The following PLEKHH1 variants were observed in gnomAD, a reference collection of about 807,000 sequenced individuals.
The protein encoded by PLEKHH1 is pleckstrin homology domain-containing family H member 1.
Under a neutral mutation model 160.0 loss-of-function variants are expected in PLEKHH1, and 104 were observed. The observed-to-expected ratio is 0.65, with a 90% confidence interval of 0.55 to 0.76. The LOEUF (loss-of-function observed/expected upper bound fraction) is 0.76, where lower values mean the gene tolerates loss of function less well. PLEKHH1 is among the 30% of genes least tolerant of loss of function. PLEKHH1 has a pLI of 0.00. For synonymous variants in PLEKHH1, 619 were observed against 678.4 expected (o/e 0.91, Z 1.36); for missense variants, 1,427 against 1,724.1 (o/e 0.83, Z 3.05).
intron 1 of PLEKHH1, among the ~76,000 whole-genome samples, chr14:67,541,201 A>G (rs573669513): frequency 6.6e-6 from 1 of 152,332 alleles, no homozygotes; most frequent in East Asian, 1.9e-4. Flanking sequence ...TTTTTTTCTC[A>G]TCTAACATTT....
intron 2 of PLEKHH1, among the ~76,000 whole-genome samples, chr14:67,552,112 C>T (rs950520718): frequency 6.6e-5 from 10 of 152,190 alleles, no homozygotes; most frequent in Non-Finnish European, 1.3e-4. Context: ...CATCAGGTTG[C>T]TGCAGCCAGT....
rs2034735320 is a variant in PLEKHH1, at chr14:67,559,522, T to C, written c.340-86T>C. The C allele has an allele frequency of 1.5e-5, 13 of 858,916 alleles. No individual in the cohort carries two copies. The South Asian group carries it at 1.7e-4, about 11-fold the overall frequency. 53.2% of individuals were successfully genotyped at this position (858,916 alleles called of 1,614,324 possible). A position where few individuals can be genotyped will look rare whatever the true frequency, so the allele number is the denominator to read the frequency against. On this transcript the variant is annotated intron_variant, in intron 4 of 28. Coordinates refer to ENST00000329153, the MANE Select transcript of PLEKHH1 (RefSeq NM_020715.3). ...TTTGCGAGGTCAGTGGCACGCACAC[T>C]TGGCCTTTCTTGGGGTTTCCCACCT... is the stretch of plus-strand genomic sequence containing the variant.
rs570152687 is a variant in PLEKHH1 at position 67,569,032 on chromosome 14, C to T, written c.1264-106C>T. On this transcript the variant is annotated intron_variant, in intron 7 of 28. Coordinates refer to ENST00000329153, the MANE Select transcript of PLEKHH1 (RefSeq NM_020715.3). ...GATTTGTTAGCCAGTCACTGCCCCC[C>T]ACAGGTCTGCCCACCCCCAAAGCCA... is the stretch of plus-strand genomic sequence containing the variant. 22 of 694,778 alleles carry T rather than the reference C, an allele frequency of 3.2e-5. No individual in the cohort carries two copies. The South Asian group carries it at 3.9e-4, about 12-fold the overall frequency. 43.0% of individuals were successfully genotyped at this position (694,778 alleles called of 1,614,324 possible). A position where few individuals can be genotyped will look rare whatever the true frequency, so the allele number is the denominator to read the frequency against.
chr14:67,535,511 G>T (rs1265381955), intron 1 of PLEKHH1, among the ~76,000 whole-genome samples: 2 of 151,304 alleles, frequency 1.3e-5, no homozygotes, highest in Non-Finnish European at 2.9e-5. Context: ...CTCCCAAGTG[G>T]CTGGGATTAA....
intron 22 of PLEKHH1, 126 bp downstream of exon 22, chr14:67,580,002 C>CTAGGGCAGCA: frequency 2.4e-6 from 2 of 849,552 alleles, no homozygotes; most frequent in Non-Finnish European, 3.6e-6. Context: ...CAAGGTGCTG[C>CTAGGGCAGCA]CCTAGTCAGC....
At chr14:67,579,977 A>C in intron 22 of PLEKHH1, 101 bp downstream of exon 22, 1,141 of 1,144,330 alleles carry the variant, frequency 1.0e-3, no homozygotes, top group Non-Finnish European at 1.3e-3. Context: ...TTGGTAGCTC[A>C]TTTGGTGCTG....
chr14:67,560,628 A>G (rs2034793153), intron 5 of PLEKHH1, among the ~76,000 whole-genome samples: 1 of 152,148 alleles, frequency 6.6e-6, no homozygotes, highest in South Asian at 2.1e-4. Context: ...TAGGAAACTC[A>G]GGACTTGAAG....
Position 67,576,450 on chromosome 14 carries a change from G to C in PLEKHH1, c.2408G>C (p.Gly803Ala), listed in dbSNP as rs757682843. 6.2e-7 allele frequency: 1 copy of C among 1,610,744 alleles called. No homozygotes were observed. The highest frequency in any genetic ancestry group is 8.5e-7 in the Non-Finnish European group (1 of 1,176,966). ...VAAGGSSAKV[G>A]TAYEQLIGKL... is the part of the protein sequence containing the mutation. ...GCAGGTGGCAGCAGTGCCAAGGTGG[G>C]CACTGCCTATGAGCAGCTCATTGGA... The change falls in exon 17 of 29, where the codon GGC (glycine) becomes GCC (alanine). Residue 803 changes from glycine to alanine, a missense_variant. Physicochemically the swap from Gly to Ala is moderately conservative, Grantham distance 60. This residue lies in a region of PLEKHH1 where 436 missense variants were observed against 607.5 expected (regional missense o/e 0.72). Transcript: ENST00000329153. The surrounding 1 kb of genome is among the most constrained non-coding windows in gnomAD (Gnocchi z 4.0).
rs1159971240 is a variant in PLEKHH1 at position 67,573,602 on chromosome 14, C to G, written c.1840-199C>G. Among the ~76,000 whole-genome samples, 1 of 152,190 alleles carries G rather than the reference C, an allele frequency of 6.6e-6. No homozygotes were observed. Among genetic ancestry groups the G allele is most frequent in the Non-Finnish European group, 1.5e-5 (1 of 68,030 alleles). Reference sequence around the variant, plus strand: ...TTTCAGAATGAAATAGGGAGGTTCTCAGAAGGACCCATGTTCCTGATTAAG... The same window carrying G: ...TTTCAGAATGAAATAGGGAGGTTCTGAGAAGGACCCATGTTCCTGATTAAG... On this transcript the variant is annotated intron_variant, in intron 12 of 28. Transcript: ENST00000329153. This position sits in a 1 kb window ranked among gnomAD's most constrained non-coding sequence, Gnocchi z 4.8.
At position 67,574,346 on chromosome 14, in the gene PLEKHH1, G is replaced by T. The variant is rs1240866469; in HGVS notation, c.2031G>T (p.Gly677=). 6.3e-7 allele frequency: 1 copy of T among 1,598,178 alleles called. No homozygotes were observed. The highest frequency in any genetic ancestry group is 1.7e-5 in the Admixed American group (1 of 57,456). The part of the protein sequence containing the change: ...LQSLLKVQAT[G]PPALLRGGTK... ...GCCTGCTGAAGGTGCAGGCCACCGG[G>T]CCTCCAGCTCTGCTTCGGGGTGGCA... The change falls in exon 14 of 29, where the codon GGG becomes GGT. Residue 677 remains glycine, a synonymous_variant. Coordinates refer to ENST00000329153, the MANE Select transcript of PLEKHH1 (RefSeq NM_020715.3). The surrounding 1 kb of genome is among the most constrained non-coding windows in gnomAD (Gnocchi z 4.2).
At position 67,586,950 on chromosome 14, in the gene PLEKHH1, G is replaced by T. The variant is rs145976563; in HGVS notation, c.3934-124G>T. ...ATTCCCTTTGGATATTTTCTCCCAG[G>T]TGGGTATTTTAAGAGATTAAATAAA... On this transcript the variant is annotated intron_variant, in intron 28 of 28. Transcript: ENST00000329153. 2.8e-5 allele frequency: 43 copies of T among 1,544,590 alleles called. No homozygotes were observed. The African/African-American group carries it at 4.8e-4, about 17-fold the overall frequency.
chr14:67,541,755 T>C (rs938194437), intron 1 of PLEKHH1, 79 bp from the exon 2 acceptor site: 2 of 956,718 alleles, frequency 2.1e-6, no homozygotes, highest in Admixed American at 6.2e-5. Flanking sequence ...TGTCCTTTGG[T>C]CCCCTCCCGT....
chr14:67,536,719 C>T (rs904553020), intron 1 of PLEKHH1, among the ~76,000 whole-genome samples: 1 of 151,902 alleles, frequency 6.6e-6, no homozygotes, highest in South Asian at 2.1e-4. Context: ...ATCTTGCACA[C>T]AGGACTCACT....
chr14:67,558,055 T>G (rs566805150), intron 4 of PLEKHH1, among the ~76,000 whole-genome samples: 1 of 152,232 alleles, frequency 6.6e-6, no homozygotes, highest in Admixed American at 6.5e-5. Context: ...GAGAGGCCAC[T>G]GCCCAGCATT....
At chr14:67,543,208 A>C (rs1158094334) in intron 2 of PLEKHH1, among the ~76,000 whole-genome samples, 1 of 152,240 alleles carries the variant, frequency 6.6e-6, no homozygotes, top group Non-Finnish European at 1.5e-5. Flanking sequence ...AAGAATGTCA[A>C]AGTCTCAATT....
chr14:67,537,992 A>C (rs2033807740), intron 1 of PLEKHH1, among the ~76,000 whole-genome samples: 1 of 152,206 alleles, frequency 6.6e-6, no homozygotes, highest in Non-Finnish European at 1.5e-5. Flanking sequence ...AATCAAGAAA[A>C]CTATGAGTTT....
intron 22 of PLEKHH1, 68 bp from the exon 23 acceptor site, chr14:67,580,870 T>G (rs1194412644): frequency 3.0e-6 from 3 of 1,016,532 alleles, no homozygotes; most frequent in Non-Finnish European, 1.6e-6. Context: ...AGTCCAGCCC[T>G]GGCTGGACCT....
chr14:67,562,484 G>A lies in PLEKHH1; in HGVS notation c.853G>A (p.Gly285Ser). ...FRCSSASWGE[G>S]LVTAQRGMLP... ...ATGTAGTTCAGCTTCCTGGGGTGAG[G>A]GTCTGGTTACTGCTCAGAGAGGGAT... is the stretch of plus-strand genomic sequence containing the variant. Residue 285 changes from glycine to serine, a missense_variant, in exon 7 of 29, where the codon GGT becomes AGT. Around this residue, in one of 6 missense-constraint regions of PLEKHH1, gnomAD observed 831 missense variants for 929.2 expected, o/e 0.89. Coordinates refer to ENST00000329153, the MANE Select transcript of PLEKHH1 (RefSeq NM_020715.3). The A allele has an allele frequency of 6.2e-7, 1 of 1,613,482 alleles. No individual in the cohort carries two copies. The highest frequency in any genetic ancestry group is 8.5e-7 in the Non-Finnish European group (1 of 1,179,464).
At chr14:67,564,289 G>A (rs141285596) in intron 7 of PLEKHH1, among the ~76,000 whole-genome samples, 1,924 of 152,162 alleles carry the variant, frequency 0.013, 81 homozygotes, top group Admixed American at 0.073. Context: ...AGGCAACTGC[G>A]CCAGGCCAGC....
Sources: gnomAD v4.1 joint callset for allele counts (sites outside exome capture counted in the v4.1 genomes callset) on GRCh38, gnomAD v4.1.1 for gene constraint, gnomAD v4.1.1 regional missense constraint, Gnocchi (gnomAD v3.1) non-coding constraint, MANE v1.5 for transcripts, NCBI Gene and HGNC (gene_info 2026-07-23, HGNC 2026-07-21) for gene names.